The following SLIT3 variants were observed in gnomAD, a reference collection of about 807,000 sequenced individuals.
SLIT3 encodes slit guidance ligand 3.
A neutral mutation model predicts 184.0 loss-of-function variants in SLIT3; 68 were observed. That is an observed-to-expected ratio of 0.37 (90% CI 0.30 to 0.45). The LOEUF (loss-of-function observed/expected upper bound fraction) is 0.45. SLIT3 is among the 20% of genes least tolerant of loss of function. The pLI is 1.00. For synonymous variants in SLIT3, 831 were observed against 828.6 expected (o/e 1.00, Z -0.05); for missense variants, 1,707 against 2,026.0 (o/e 0.84, Z 3.02).
chr5:169,293,752 C>A (rs1342064057), intron 1 of SLIT3, among the ~76,000 whole-genome samples: 1 of 152,182 alleles, frequency 6.6e-6, no homozygotes, highest in African/African-American at 2.4e-5. Flanking sequence ...TCTAATCATG[C>A]ACGCTTTGGC....
At chr5:169,156,448 A>G (rs1406044374) in intron 4 of SLIT3, among the ~76,000 whole-genome samples, 3 of 152,210 alleles carry the variant, frequency 2.0e-5, no homozygotes, top group Admixed American at 1.3e-4. Context: ...GCCTGTCAAT[A>G]GTCCTCGTGT....
chr5:168,855,620 T>C (rs571702004), intron 5 of SLIT3, among the ~76,000 whole-genome samples: 1 of 152,288 alleles, frequency 6.6e-6, no homozygotes, highest in Non-Finnish European at 1.5e-5. Flanking sequence ...AAGCCAGACA[T>C]AAAAGGTCAA....
chr5:168,740,165 T>C (rs565449889), intron 20 of SLIT3, among the ~76,000 whole-genome samples: 195 of 152,196 alleles, frequency 1.3e-3, no homozygotes, highest in South Asian at 2.3e-3. Flanking sequence ...GAGCACAGGA[T>C]TTGGGGTCAG....
At chr5:169,289,731 C>G (rs1232433456) in intron 1 of SLIT3, among the ~76,000 whole-genome samples, 2 of 152,156 alleles carry the variant, frequency 1.3e-5, no homozygotes, top group African/African-American at 4.8e-5. Context: ...GGCAAGAAGC[C>G]AAGCTAGAAG....
rs199626374 is a variant in SLIT3, at chr5:168,850,143, ATAAC to A, written c.486-5492_486-5489del. On this transcript the variant is annotated intron_variant, in intron 5 of 35. Coordinates refer to ENST00000519560, the MANE Select transcript of SLIT3 (RefSeq NM_003062.4). Reference sequence around the variant, plus strand: ...TTCAAAAGAAACGCATATACTTCATATAACTGAGTACTGGTTACACTTCCTCAGA... The same window carrying A: ...TTCAAAAGAAACGCATATACTTCATATGAGTACTGGTTACACTTCCTCAGA... Among the ~76,000 whole-genome samples, 796 of 152,364 alleles carry A rather than the reference ATAAC, an allele frequency of 5.2e-3. 10 individuals carry two copies. The highest frequency in any genetic ancestry group is 0.018 in the African/African-American group (738 of 41,594).
chr5:168,675,583 G>A (rs1761382341), intron 32 of SLIT3, among the ~76,000 whole-genome samples: 3 of 152,152 alleles, frequency 2.0e-5, no homozygotes, highest in African/African-American at 7.2e-5. Context: ...TTGTAACCAG[G>A]CATGCTGGCA....
chr5:169,157,492 C>T (rs1216205021), intron 4 of SLIT3, among the ~76,000 whole-genome samples: 1 of 152,206 alleles, frequency 6.6e-6, no homozygotes, highest in Non-Finnish European at 1.5e-5. Flanking sequence ...CCCCAGGTAT[C>T]AGTGGAGGCC....
At position 168,664,657 on chromosome 5, in the gene SLIT3, G is replaced by A. The variant is rs574731658; in HGVS notation, c.*1797C>T. 3.9e-5 allele frequency: 6 copies of A among 152,308 alleles called. No individual in the cohort carries two copies. The South Asian group carries it at 1.2e-3, about 32-fold the overall frequency. 9.4% of individuals were successfully genotyped at this position (152,308 alleles called of 1,614,324 possible). ...CTCTAGGGAACCTGAGGGCTGAAAG[G>A]TCCAATGAATTCCAAACTCTTCTCC... On this transcript the variant is annotated 3_prime_UTR_variant, in exon 36 of 36. Transcript: ENST00000519560.
intron 3 of SLIT3, among the ~76,000 whole-genome samples, chr5:169,207,370 TACAC>T (rs56721949): frequency 0.12 from 15,674 of 131,412 alleles, 833 homozygotes; most frequent in South Asian, 0.22. Flanking sequence ...TACACATACA[TACAC>T]ACACACACAC....
At chr5:169,099,695 G>A (rs866398199) in intron 4 of SLIT3, among the ~76,000 whole-genome samples, 9 of 152,306 alleles carry the variant, frequency 5.9e-5, no homozygotes, top group Non-Finnish European at 1.0e-4. Context: ...GCCATATCCT[G>A]ACACAGAATG....
At chr5:169,055,383 G>A (rs1757958894) in intron 4 of SLIT3, among the ~76,000 whole-genome samples, 1 of 152,196 alleles carries the variant, frequency 6.6e-6, no homozygotes, top group African/African-American at 2.4e-5. Context: ...TCTGGGAGGT[G>A]ACATTTGAGA....
At chr5:169,290,049 G>A (rs935877149) in intron 1 of SLIT3, among the ~76,000 whole-genome samples, 24 of 148,664 alleles carry the variant, frequency 1.6e-4, no homozygotes, top group African/African-American at 5.2e-4. Context: ...TAGGGCATAC[G>A]CCAGGGCACA....
chr5:169,218,792 C>CA (rs1183444438), intron 3 of SLIT3, among the ~76,000 whole-genome samples: 1 of 152,178 alleles, frequency 6.6e-6, no homozygotes, highest in Non-Finnish European at 1.5e-5. Flanking sequence ...GTTAAAAACT[C>CA]AGTGTTCAAG....
At chr5:168,759,349 G>A (rs1409625030) in intron 16 of SLIT3, among the ~76,000 whole-genome samples, 5 of 152,188 alleles carry the variant, frequency 3.3e-5, no homozygotes, top group Admixed American at 6.5e-5. Flanking sequence ...GATAGCTTAT[G>A]TAATACATAT....
chr5:168,895,337 T>C (rs1241926235), intron 4 of SLIT3, among the ~76,000 whole-genome samples: 1 of 152,142 alleles, frequency 6.6e-6, no homozygotes. Flanking sequence ...GGGCTGCGGC[T>C]GCCCAGAGGT....
chr5:168,803,706 C>A (rs932867750), intron 9 of SLIT3, among the ~76,000 whole-genome samples: 5 of 152,018 alleles, frequency 3.3e-5, no homozygotes, highest in Non-Finnish European at 5.9e-5. Context: ...GGGAACCTAG[C>A]CGAGGGACGG....
chr5:168,734,335 C>A (rs569190388), intron 20 of SLIT3, among the ~76,000 whole-genome samples: 40 of 152,296 alleles, frequency 2.6e-4, no homozygotes, highest in Non-Finnish European at 4.1e-4. Context: ...GTCTTTGGTT[C>A]ATCTTTTATC....
intron 4 of SLIT3, among the ~76,000 whole-genome samples, chr5:169,059,558 A>G (rs1380116895): frequency 3.3e-5 from 5 of 152,202 alleles, no homozygotes; most frequent in African/African-American, 9.7e-5. Context: ...ACACTGTAGA[A>G]GCCTCAAACG....
intron 4 of SLIT3, among the ~76,000 whole-genome samples, chr5:169,190,866 T>G (rs13359488): frequency 0.019 from 2,959 of 152,238 alleles, 100 homozygotes; most frequent in African/African-American, 0.065. Context: ...AAAAAGGCTC[T>G]GGAGTGGCTG....
Sources: allele counts gnomAD v4.1 joint callset (sites outside exome capture counted in the v4.1 genomes callset), GRCh38; gene constraint gnomAD v4.1.1; transcripts MANE v1.5; gene names NCBI Gene and HGNC (gene_info 2026-07-23, HGNC 2026-07-21).